The following PDE10A variants were observed in gnomAD, a reference collection of about 807,000 sequenced individuals.
PDE10A encodes cAMP and cAMP-inhibited cGMP 3',5'-cyclic phosphodiesterase 10A.
PDE10A carries 39 observed loss-of-function variants against 97.7 expected under a neutral mutation model. That is an observed-to-expected ratio of 0.40 (90% confidence interval 0.31 to 0.52). The LOEUF (loss-of-function observed/expected upper bound fraction) is 0.52, where lower values mean the gene tolerates loss of function less well. PDE10A is among the 20% of genes least tolerant of loss of function. The probability of loss-of-function intolerance (pLI) is 0.56; values close to 1 mark genes in which losing one functional copy is unlikely to be tolerated. For missense variants in PDE10A, 731 were observed against 1,047.8 expected (o/e 0.70, Z 4.17); for synonymous variants, 371 against 376.8 (o/e 0.98, Z 0.18).
chr6:165,763,447 C>T (rs545571578), intron 1 of PDE10A, among the ~76,000 whole-genome samples: 7 of 152,242 alleles, frequency 4.6e-5, no homozygotes, highest in African/African-American at 1.7e-4. Context: ...CTCAGCCCCC[C>T]CAGTAGCCGG....
chr6:165,933,162 G>A (rs2128491072), intron 1 of PDE10A, among the ~76,000 whole-genome samples: 1 of 152,236 alleles, frequency 6.6e-6, no homozygotes, highest in East Asian at 1.9e-4. Context: ...GGCAGCAGAT[G>A]AAGGAAAAAT....
intron 1 of PDE10A, among the ~76,000 whole-genome samples, chr6:165,687,305 T>C (rs1052633842): frequency 6.6e-6 from 1 of 152,206 alleles, no homozygotes; most frequent in Non-Finnish European, 1.5e-5. Context: ...GAAGGTTTCT[T>C]AACTAGGGAA....
intron 1 of PDE10A, among the ~76,000 whole-genome samples, chr6:165,676,474 G>A (rs1005354183): frequency 2.6e-5 from 4 of 151,954 alleles, no homozygotes; most frequent in African/African-American, 9.6e-5. Flanking sequence ...AGGTGGGTCA[G>A]GGTGCTGGGC....
chr6:165,428,619 G>A (rs773172199), intron 10 of PDE10A, 39 bp downstream of exon 10: 3 of 894,810 alleles, frequency 3.4e-6, no homozygotes, highest in Non-Finnish European at 5.5e-6. Flanking sequence ...ATGGGCCTAA[G>A]GGTTAAACAG....
chr6:165,391,067 T>A (rs895614022), intron 16 of PDE10A, among the ~76,000 whole-genome samples: 3 of 152,138 alleles, frequency 2.0e-5, no homozygotes, highest in Non-Finnish European at 4.4e-5. Flanking sequence ...ATTTTTAAAA[T>A]TCATGTGACT....
At chr6:165,773,684 G>A (rs940927752) in intron 1 of PDE10A, among the ~76,000 whole-genome samples, 3 of 152,124 alleles carry the variant, frequency 2.0e-5, no homozygotes, top group African/African-American at 7.2e-5. Context: ...TTAGTTTATT[G>A]TCAAAATTTC....
intron 1 of PDE10A, chr6:165,948,364 T>C (rs907470403): frequency 6.6e-5 from 10 of 152,170 alleles, no homozygotes; most frequent in African/African-American, 2.4e-4. Flanking sequence ...GAAAGAGTTA[T>C]TGATTCTCCC....
At chr6:165,927,105 A>G (rs1461932978) in intron 1 of PDE10A, among the ~76,000 whole-genome samples, 1 of 152,304 alleles carries the variant, frequency 6.6e-6, no homozygotes, top group East Asian at 1.9e-4. Context: ...GAGGGATAGC[A>G]TTAGGAGAAA....
At chr6:165,854,624 T>A (rs1780667344) in intron 1 of PDE10A, among the ~76,000 whole-genome samples, 1 of 151,414 alleles carries the variant, frequency 6.6e-6, no homozygotes, top group Non-Finnish European at 1.5e-5. Flanking sequence ...TTGCTGGAGG[T>A]GAGGGGAGCG....
chr6:165,373,800 T>C (rs1413461567), intron 18 of PDE10A, among the ~76,000 whole-genome samples: 1 of 151,986 alleles, frequency 6.6e-6, no homozygotes, highest in Non-Finnish European at 1.5e-5. Context: ...ATTGCGGCAC[T>C]ATTCACTATA....
intron 1 of PDE10A, among the ~76,000 whole-genome samples, chr6:165,710,372 C>T (rs1791864370): frequency 6.6e-6 from 1 of 152,192 alleles, no homozygotes; most frequent in African/African-American, 2.4e-5. Flanking sequence ...AGCGCTCTCA[C>T]CTAAACGGAG....
At position 165,366,649 on chromosome 6, in the gene PDE10A, T is replaced by C. The variant is rs1453079512; in HGVS notation, c.2783+12545A>G. 2.6e-5 allele frequency among the ~76,000 whole-genome samples: 4 copies of C among 152,020 alleles called. No individual in the cohort carries two copies. In the East Asian group the frequency reaches 7.7e-4, roughly 29 times the overall value. ...CAGCCCAAAAGAAAGTCAGGGCCCA[T>C]TGAGAAGGGAGAGTCTGGGGATGTC... On this transcript the variant is annotated intron_variant, in intron 18 of 21. Coordinates refer to ENST00000539869, the MANE Select transcript of PDE10A (RefSeq NM_001385079.1).
At chr6:165,343,180 A>G (rs1782079742) in intron 19 of PDE10A, among the ~76,000 whole-genome samples, 1 of 152,192 alleles carries the variant, frequency 6.6e-6, no homozygotes. Flanking sequence ...CTTTCAGTTG[A>G]GCTCAGAGAA....
At chr6:165,366,645 C>A (rs1314027881) in intron 18 of PDE10A, among the ~76,000 whole-genome samples, 1 of 152,078 alleles carries the variant, frequency 6.6e-6, no homozygotes, top group Non-Finnish European at 1.5e-5. Context: ...AAAGTCAGGG[C>A]CCATTGAGAA....
chr6:165,761,731 T>C (rs1793255964), intron 1 of PDE10A, among the ~76,000 whole-genome samples: 2 of 152,072 alleles, frequency 1.3e-5, no homozygotes, highest in Non-Finnish European at 2.9e-5. Context: ...TGAAAATTTA[T>C]TATATATGCT....
chr6:165,381,001 T>G (rs1341098102), intron 17 of PDE10A, among the ~76,000 whole-genome samples: 2 of 151,952 alleles, frequency 1.3e-5, no homozygotes, highest in Non-Finnish European at 2.9e-5. Flanking sequence ...GTGAAGGGAA[T>G]CACAGCTGAT....
At chr6:165,338,336 G>T (rs1404292287) in intron 20 of PDE10A, among the ~76,000 whole-genome samples, 2 of 152,154 alleles carry the variant, frequency 1.3e-5, no homozygotes, top group Non-Finnish European at 2.9e-5. Context: ...TTAAACATTT[G>T]TTAAACTTAT....
chr6:165,849,820 A>AG (rs1554332064), intron 1 of PDE10A, among the ~76,000 whole-genome samples: 1 of 92,842 alleles, frequency 1.1e-5, no homozygotes, highest in African/African-American at 3.5e-5. Context: ...ATGGTGTTTT[A>AG]GGAAAAAAAA....
intron 15 of PDE10A, among the ~76,000 whole-genome samples, chr6:165,394,529 T>TGTGTGCACAC (rs1562418050): frequency 1.3e-5 from 2 of 152,160 alleles, no homozygotes; most frequent in African/African-American, 4.8e-5. Flanking sequence ...AATAAACATA[T>TGTGTGCACAC]GTGTGCACAT....
Sources: allele counts gnomAD v4.1 joint callset (sites outside exome capture counted in the v4.1 genomes callset), GRCh38; gene constraint gnomAD v4.1.1; transcripts MANE v1.5; gene names NCBI Gene and HGNC (gene_info 2026-07-23, HGNC 2026-07-21).